The following PLXNA2 variants were observed in gnomAD, a reference collection of about 807,000 sequenced individuals.
The protein encoded by PLXNA2 is plexin-A2.
Under a neutral mutation model 193.5 loss-of-function variants are expected in PLXNA2, and 91 were observed. That is an observed-to-expected ratio of 0.47 (90% CI 0.40 to 0.56). The LOEUF (loss-of-function observed/expected upper bound fraction) is 0.56, where lower values mean the gene tolerates loss of function less well. Among genes scored for constraint, PLXNA2 ranks in the 20% least tolerant of loss-of-function variants. The probability of loss-of-function intolerance (pLI) is 0.00; values close to 1 mark genes in which losing one functional copy is unlikely to be tolerated. For missense variants in PLXNA2, 1,995 were observed against 2,503.2 expected (o/e 0.80, Z 4.33); for synonymous variants, 997 against 1,027.3 (o/e 0.97, Z 0.56).
At position 208,096,861 on chromosome 1, in the gene PLXNA2, G is replaced by A. The variant is rs1380310675; in HGVS notation, c.1754C>T (p.Ala585Val). The A allele has an allele frequency of 1.2e-6, 2 of 1,613,870 alleles. No individual in the cohort carries two copies. Among genetic ancestry groups the A allele is most frequent in the Non-Finnish European group, 1.7e-6 (2 of 1,179,986 alleles). ...GGCGATACCCGCAGATAGATCAGGAGCATCACTCACTACCAGGCTAAGCTG... is the reference window on the plus strand; with the variant it reads ...GGCGATACCCGCAGATAGATCAGGAACATCACTCACTACCAGGCTAAGCTG... ...SRLLSLVVSD[A>V]PDLSAGIACA... The change falls in exon 7 of 32, where the codon GCT (alanine) becomes GTT (valine). Residue 585 changes from alanine to valine, a missense_variant. This residue lies in a region of PLXNA2 where 702 missense variants were observed against 812.9 expected (regional missense o/e 0.86). Transcript: ENST00000367033.
chr1:208,196,200 C>A (rs891257491), intron 3 of PLXNA2, among the ~76,000 whole-genome samples: 4 of 152,134 alleles, frequency 2.6e-5, no homozygotes, highest in African/African-American at 9.7e-5. Flanking sequence ...AGCACCAACA[C>A]CAACAATCAC....
intron 4 of PLXNA2, among the ~76,000 whole-genome samples, chr1:208,139,170 C>G (rs1668395073): frequency 6.6e-6 from 1 of 152,216 alleles, no homozygotes; most frequent in Non-Finnish European, 1.5e-5. Flanking sequence ...AGTCCCAATC[C>G]TAGGACCTTA....
chr1:208,108,822 G>T (rs144042331), intron 4 of PLXNA2, among the ~76,000 whole-genome samples: 2 of 152,176 alleles, frequency 1.3e-5, no homozygotes, highest in South Asian at 4.1e-4. Context: ...AACCAGGACC[G>T]TCGTGGCTCA....
At chr1:208,213,785 A>C (rs923349088) in intron 2 of PLXNA2, among the ~76,000 whole-genome samples, 5 of 152,224 alleles carry the variant, frequency 3.3e-5, no homozygotes, top group African/African-American at 1.2e-4. Flanking sequence ...TTCCTCTTGC[A>C]GCCCTTGCAC....
intron 3 of PLXNA2, among the ~76,000 whole-genome samples, chr1:208,184,748 TACAC>T (rs371660120): frequency 8.0e-5 from 12 of 149,648 alleles, no homozygotes; most frequent in East Asian, 3.9e-4. Context: ...TCACAAAGAG[TACAC>T]ACACACACAC....
intron 7 of PLXNA2, among the ~76,000 whole-genome samples, 180 bp from the exon 8 acceptor site, chr1:208,096,305 C>A (rs1317865022): frequency 1.3e-5 from 2 of 152,136 alleles, no homozygotes; most frequent in Non-Finnish European, 2.9e-5. Flanking sequence ...GGGTAAATAC[C>A]AGCCCACCCC....
chr1:208,040,095 C>T, intron 22 of PLXNA2, 37 bp from the exon 23 acceptor site: 2 of 1,557,040 alleles, frequency 1.3e-6, no homozygotes, highest in South Asian at 2.2e-5. Context: ...CAGTCCTTCA[C>T]AGAGGGGTCT....
rs759573719 is a variant in PLXNA2, at chr1:208,217,803, G to A, written c.120C>T (p.Thr40=). 2.1e-5 allele frequency: 34 copies of A among 1,614,082 alleles called. No individual in the cohort carries two copies. The highest frequency in any genetic ancestry group is 2.6e-5 in the Non-Finnish European group (31 of 1,180,060). ...PPAAGMPQFS[T]FHSENRDWTF... The stretch of plus-strand genomic sequence containing the variant: ...TCCAGTCACGATTCTCAGAGTGGAA[G>A]GTGCTGAACTGAGGCATGCCGGCTG... The change falls in exon 2 of 32, where the codon ACC becomes ACT. Residue 40 remains threonine, a synonymous_variant. Coordinates refer to ENST00000367033, the MANE Select transcript of PLXNA2 (RefSeq NM_025179.4). This position sits in a 1 kb window ranked among gnomAD's most constrained non-coding sequence, Gnocchi z 4.7.
chr1:208,231,918 C>G (rs1348891841), intron 1 of PLXNA2, among the ~76,000 whole-genome samples: 4 of 152,254 alleles, frequency 2.6e-5, no homozygotes, highest in Admixed American at 2.6e-4. Context: ...AGAGGATACT[C>G]TCTGCCTGCA....
chr1:208,165,529 A>C (rs1231764923), intron 3 of PLXNA2, among the ~76,000 whole-genome samples: 3 of 152,166 alleles, frequency 2.0e-5, no homozygotes, highest in Non-Finnish European at 4.4e-5. Flanking sequence ...TGTATCCTCC[A>C]TTCTCTCCAC....
intron 3 of PLXNA2, among the ~76,000 whole-genome samples, chr1:208,154,366 C>A (rs1050563096): frequency 6.6e-6 from 1 of 152,188 alleles, no homozygotes; most frequent in South Asian, 2.1e-4. Flanking sequence ...GTGGGCTCAA[C>A]GGTAGGCAAA....
chr1:208,141,672 G>C (rs1668459601), intron 4 of PLXNA2, among the ~76,000 whole-genome samples: 1 of 152,018 alleles, frequency 6.6e-6, no homozygotes, highest in South Asian at 2.1e-4. Flanking sequence ...TGCCTTCCCT[G>C]CTTCTCTTTC....
At chr1:208,140,545 C>T (rs373684266) in intron 4 of PLXNA2, among the ~76,000 whole-genome samples, 4 of 152,116 alleles carry the variant, frequency 2.6e-5, no homozygotes, top group Non-Finnish European at 5.9e-5. Flanking sequence ...CTCTGCTCAT[C>T]GTTTTATCCA....
At chr1:208,029,535 C>T (rs1299834456) in intron 29 of PLXNA2, 4 of 995,610 alleles carry the variant, frequency 4.0e-6, no homozygotes, top group Non-Finnish European at 4.8e-6. Flanking sequence ...GCCCAAGCTA[C>T]TTCCCAGGGC....
At chr1:208,072,970 C>T (rs554624368) in intron 12 of PLXNA2, among the ~76,000 whole-genome samples, 9 of 152,324 alleles carry the variant, frequency 5.9e-5, no homozygotes, top group South Asian at 2.1e-4. Context: ...AGCCCTCCAT[C>T]CCCCTCACCA....
chr1:208,039,908 TC>T, intron 23 of PLXNA2, 83 bp downstream of exon 23: 1 of 1,578,022 alleles, frequency 6.3e-7, no homozygotes, highest in Non-Finnish European at 8.7e-7. Flanking sequence ...AGGGAGGGGG[TC>T]CCCATGCAGC....
rs1664275052 is a variant in PLXNA2, at chr1:208,024,278, T to C, written c.*2965A>G. On this transcript the variant is annotated 3_prime_UTR_variant, in exon 32 of 32. Transcript: ENST00000367033. Reference sequence around the variant, plus strand: ...ACTTCATCCTTACCCAAGGTCAAAATATCCTCAAATTGGATAACAGGGAGA... The same window carrying C: ...ACTTCATCCTTACCCAAGGTCAAAACATCCTCAAATTGGATAACAGGGAGA... The C allele has an allele frequency of 6.6e-6, 1 of 152,128 alleles. No homozygotes were observed. Among genetic ancestry groups the C allele is most frequent in the South Asian group, 2.1e-4 (1 of 4,818 alleles). The allele number at this position is 152,128 out of a possible 1,614,324, so 9.4% of individuals were successfully genotyped here. A position where few individuals can be genotyped will look rare whatever the true frequency, so the allele number is the denominator to read the frequency against.
At chr1:208,077,392 G>A (rs886900676) in intron 12 of PLXNA2, among the ~76,000 whole-genome samples, 1 of 152,196 alleles carries the variant, frequency 6.6e-6, no homozygotes, top group Non-Finnish European at 1.5e-5. Context: ...CCCGGTCAGC[G>A]AGCAGGGGCG....
At chr1:208,091,572 G>C (rs148332126) in intron 9 of PLXNA2, among the ~76,000 whole-genome samples, 1 of 152,144 alleles carries the variant, frequency 6.6e-6, no homozygotes, top group Non-Finnish European at 1.5e-5. Context: ...AGGAAGATGT[G>C]TATAGAAAGG....
Sources: gnomAD v4.1 joint callset for allele counts (sites outside exome capture counted in the v4.1 genomes callset) on GRCh38, gnomAD v4.1.1 for gene constraint, gnomAD v4.1.1 regional missense constraint, Gnocchi (gnomAD v3.1) non-coding constraint, MANE v1.5 for transcripts, NCBI Gene and HGNC (gene_info 2026-07-23, HGNC 2026-07-21) for gene names.